SPATA17: variants seen among roughly 807,000 people sequenced by gnomAD.
SPATA17 encodes spermatogenesis associated 17.
In SPATA17, 53 loss-of-function variants were observed where a neutral mutation model predicts 62.2. That is an observed-to-expected ratio of 0.85 (90% CI 0.68 to 1.07). SPATA17 has a LOEUF of 1.07. Among genes scored for constraint, SPATA17 ranks in the 50% least tolerant of loss-of-function variants. The pLI is 0.00. For missense variants in SPATA17, 466 were observed against 425.5 expected (o/e 1.10, Z -0.84); for synonymous variants, 146 against 146.8 (o/e 0.99, Z 0.04).
At chr1:217,724,040 A>C (rs1470528207) in intron 5 of SPATA17, among the ~76,000 whole-genome samples, 2 of 152,234 alleles carry the variant, frequency 1.3e-5, no homozygotes, top group African/African-American at 4.8e-5. Flanking sequence ...AACAGGAGTG[A>C]AGGAATTATT....
chr1:217,669,620 A>G (rs564272804), intron 4 of SPATA17, among the ~76,000 whole-genome samples: 18 of 152,330 alleles, frequency 1.2e-4, no homozygotes, highest in South Asian at 8.3e-4. Flanking sequence ...GGGAATGGAC[A>G]TAACAAAAAT....
At chr1:217,634,255 G>T (rs1177238221) in intron 1 of SPATA17, among the ~76,000 whole-genome samples, 1 of 152,220 alleles carries the variant, frequency 6.6e-6, no homozygotes, top group African/African-American at 2.4e-5. Flanking sequence ...CACAGACCCG[G>T]TTGTGTGGGA....
At chr1:217,800,253 C>G (rs1391085093) in intron 8 of SPATA17, among the ~76,000 whole-genome samples, 1 of 144,260 alleles carries the variant, frequency 6.9e-6, no homozygotes, top group East Asian at 2.4e-4. Flanking sequence ...TACTCTGATA[C>G]AGCTTTTTAA....
intron 5 of SPATA17, among the ~76,000 whole-genome samples, chr1:217,741,150 T>A (rs920318112): frequency 7.9e-5 from 12 of 152,288 alleles, no homozygotes; most frequent in Admixed American, 2.6e-4. Context: ...CCTACTTTTT[T>A]AAAAAAGTAT....
chr1:217,853,120 A>G (rs1027222961), intron 9 of SPATA17, among the ~76,000 whole-genome samples: 8 of 152,166 alleles, frequency 5.3e-5, no homozygotes, highest in Non-Finnish European at 1.0e-4. Flanking sequence ...TGAATGAATA[A>G]ATGAATGTTT....
At chr1:217,678,054 A>G (rs1160672131) in intron 4 of SPATA17, among the ~76,000 whole-genome samples, 1 of 152,120 alleles carries the variant, frequency 6.6e-6, no homozygotes, top group Non-Finnish European at 1.5e-5. Flanking sequence ...TCACTGTACA[A>G]TCTTTTTTAG....
intron 5 of SPATA17, among the ~76,000 whole-genome samples, chr1:217,727,432 A>G (rs1672293666): frequency 6.6e-6 from 1 of 151,820 alleles, no homozygotes; most frequent in South Asian, 2.1e-4. Context: ...ATAACTGACA[A>G]TTTCCCTACT....
rs1455352323 is a variant in SPATA17 at position 217,782,265 on chromosome 1, A to G, written c.815A>G (p.Lys272Arg). 1 of 1,612,812 alleles carries G rather than the reference A, an allele frequency of 6.2e-7. No individual in the cohort carries two copies. Among genetic ancestry groups the G allele is most frequent in the East Asian group, 2.2e-5 (1 of 44,830 alleles). Reference protein sequence around the residue: ...LRVAEPIDELKLAREELRREE... With the variant: ...LRVAEPIDELRLAREELRREE... ...GTGGCAGAACCAATCGATGAGTTAAAGTTGGCCAGAGAGGAGCTCAGAAGA... is the reference window on the plus strand; with the variant it reads ...GTGGCAGAACCAATCGATGAGTTAAGGTTGGCCAGAGAGGAGCTCAGAAGA... Residue 272 changes from lysine (K) to arginine (R), a missense_variant, in exon 8 of 11, where the codon AAG becomes AGG. Physicochemically the swap from Lys to Arg is conservative, Grantham distance 26. Transcript: ENST00000366933.
chr1:217,677,076 G>T (rs1324232822), intron 4 of SPATA17, among the ~76,000 whole-genome samples: 2 of 151,982 alleles, frequency 1.3e-5, no homozygotes, highest in African/African-American at 4.8e-5. Flanking sequence ...AGATTGAAAT[G>T]CTCACATTTA....
At chr1:217,686,692 A>T (rs919530183) in intron 5 of SPATA17, among the ~76,000 whole-genome samples, 1 of 152,196 alleles carries the variant, frequency 6.6e-6, no homozygotes, top group African/African-American at 2.4e-5. Flanking sequence ...CTATAATTTC[A>T]TCACTCAGAA....
At chr1:217,642,452 C>T (rs917528272) in intron 1 of SPATA17, among the ~76,000 whole-genome samples, 9 of 152,286 alleles carry the variant, frequency 5.9e-5, no homozygotes, top group South Asian at 2.1e-4. Context: ...TCTGTGTCCT[C>T]ATTGTTCTAA....
chr1:217,788,999 A>G (rs563426783), intron 8 of SPATA17, among the ~76,000 whole-genome samples: 3 of 152,208 alleles, frequency 2.0e-5, no homozygotes, highest in Non-Finnish European at 4.4e-5. Flanking sequence ...GGGATTCAAG[A>G]GTCTTCCACA....
chr1:217,685,604 T>C (rs1671198493), intron 5 of SPATA17, among the ~76,000 whole-genome samples: 1 of 152,184 alleles, frequency 6.6e-6, no homozygotes, highest in African/African-American at 2.4e-5. Context: ...TCTTTTTTAA[T>C]ATACTAACAT....
chr1:217,731,142 CT>C (rs1041487387), intron 5 of SPATA17, among the ~76,000 whole-genome samples: 9 of 151,786 alleles, frequency 5.9e-5, no homozygotes, highest in Admixed American at 4.6e-4. Flanking sequence ...CTCTGCATTC[CT>C]TGTGTACTCT....
intron 6 of SPATA17, among the ~76,000 whole-genome samples, chr1:217,749,444 C>CT (rs889746631): frequency 1.3e-5 from 2 of 151,512 alleles, no homozygotes; most frequent in African/African-American, 2.4e-5. Context: ...TTTTTTTGGG[C>CT]TTTTTTTTCT....
intron 5 of SPATA17, among the ~76,000 whole-genome samples, chr1:217,718,610 A>G (rs1478112016): frequency 1.3e-5 from 2 of 152,182 alleles, no homozygotes; most frequent in East Asian, 1.9e-4. Context: ...ATTCCTACAA[A>G]GTATTTTTCA....
chr1:217,652,562 T>C (rs573239055), intron 3 of SPATA17, among the ~76,000 whole-genome samples: 2 of 152,228 alleles, frequency 1.3e-5, no homozygotes, highest in East Asian at 1.9e-4. Flanking sequence ...TCTCCTGTCT[T>C]GATTTTGGTT....
intron 5 of SPATA17, among the ~76,000 whole-genome samples, chr1:217,726,713 G>T (rs756253186): frequency 7.2e-6 from 1 of 139,448 alleles, no homozygotes; most frequent in African/African-American, 2.8e-5. Flanking sequence ...CCATATTTTT[G>T]TGTGTTTTTT....
At chr1:217,861,836 A>G (rs1224283514) in intron 9 of SPATA17, among the ~76,000 whole-genome samples, 1 of 152,182 alleles carries the variant, frequency 6.6e-6, no homozygotes, top group African/African-American at 2.4e-5. Context: ...ACAAACACAG[A>G]GCAACAGATG....
Sources: allele counts gnomAD v4.1 joint callset (sites outside exome capture counted in the v4.1 genomes callset), GRCh38; gene constraint gnomAD v4.1.1; transcripts MANE v1.5; gene names NCBI Gene and HGNC (gene_info 2026-07-23, HGNC 2026-07-21).